The following SOX5 variants were observed in gnomAD, a reference collection of about 807,000 sequenced individuals.
SOX5 encodes the protein SRY-box transcription factor 5.
A neutral mutation model predicts 92.0 loss-of-function variants in SOX5; 9 were observed. The ratio of observed to expected loss-of-function variants is 0.10; its 90% confidence interval spans 0.06 to 0.17. The LOEUF is 0.17. Ranked by LOEUF, SOX5 falls within the 10% of genes least tolerant of loss-of-function variation. The probability of loss-of-function intolerance (pLI) is 1.00; values close to 1 mark genes in which losing one functional copy is unlikely to be tolerated. For synonymous variants in SOX5, 344 were observed against 336.3 expected, an observed-to-expected ratio of 1.02 and a Z score of -0.25; for missense variants, 642 against 944.5, an observed-to-expected ratio of 0.68 and a Z score of 4.20.
chr12:24,428,915 T>A (rs1056979970), intron 1 of SOX5, among the ~76,000 whole-genome samples: 1 of 152,074 alleles, frequency 6.6e-6, no homozygotes, highest in African/African-American at 2.4e-5. Flanking sequence ...ATATCACTTA[T>A]TAAGTATGTG....
intron 4 of SOX5, among the ~76,000 whole-genome samples, chr12:24,132,508 G>A (rs370195762): frequency 1.3e-5 from 2 of 152,088 alleles, no homozygotes; most frequent in East Asian, 1.9e-4. Flanking sequence ...CATGTAAAGT[G>A]GGAAAACAAT....
At chr12:24,532,225 A>T (rs1951260224) in intron 1 of SOX5, among the ~76,000 whole-genome samples, 1 of 152,052 alleles carries the variant, frequency 6.6e-6, no homozygotes, top group Non-Finnish European at 1.5e-5. Flanking sequence ...AAACCAAAAG[A>T]TCTAGGTTTG....
intron 7 of SOX5, among the ~76,000 whole-genome samples, chr12:23,649,780 G>A (rs988081103): frequency 2.0e-4 from 31 of 152,108 alleles, no homozygotes; most frequent in Admixed American, 1.4e-3. Flanking sequence ...ATTATCTCCA[G>A]TCATACTATG....
Position 24,422,469 on chromosome 12 carries a change from A to T in SOX5, c.-250-53830T>A, listed in dbSNP as rs147308919. On this transcript the variant is annotated intron_variant, in intron 1 of 4. Transcript: ENST00000446891. ...AGATCATGGAAGCAGGTATCGAAAA[A>T]GTCTAGAAAGCTGAGCCATCATATG... Among the ~76,000 whole-genome samples the T allele has an allele frequency of 4.5e-3, 687 of 152,278 alleles. 3 individuals are homozygous for T. Among genetic ancestry groups the T allele is most frequent in the African/African-American group, 0.015 (642 of 41,558 alleles).
rs962145215 is a variant in SOX5, at chr12:23,563,127, A to G, written c.1488+131T>C. On this transcript the variant is annotated intron_variant, in intron 11 of 14. Transcript: ENST00000451604. ...TTAGGATGGCGATGAGGCCTTCTAT[A>G]TTAATGGAGGGAGAAAAGGGACAGA... The G allele has an allele frequency of 8.2e-6, 6 of 732,950 alleles. No homozygotes were observed. The East Asian group carries it at 1.4e-4, about 17-fold the overall frequency. The allele number at this position is 732,950 out of a possible 1,614,324, so 45.4% of individuals were successfully genotyped here.
chr12:23,732,158 C>T (rs1164351798), intron 6 of SOX5, among the ~76,000 whole-genome samples: 1 of 152,028 alleles, frequency 6.6e-6, no homozygotes, highest in African/African-American at 2.4e-5. Flanking sequence ...AGTCTTCATC[C>T]TTGCCCTATG....
chr12:24,282,042 A>C (rs775001), intron 2 of SOX5, among the ~76,000 whole-genome samples: 65,454 of 152,036 alleles, frequency 0.43, 16,191 homozygotes, highest in East Asian at 0.75. Flanking sequence ...AGAGATTCAA[A>C]GAATTTTAAA....
chr12:23,928,996 A>T (rs1940750600), intron 1 of SOX5, among the ~76,000 whole-genome samples: 1 of 150,454 alleles, frequency 6.6e-6, no homozygotes, highest in Non-Finnish European at 1.5e-5. Context: ...GAAAATTATA[A>T]TAAATTAAGT....
intron 4 of SOX5, among the ~76,000 whole-genome samples, chr12:24,010,203 G>T (rs1238546573): frequency 6.6e-6 from 1 of 152,146 alleles, no homozygotes; most frequent in African/African-American, 2.4e-5. Context: ...TCAGAGTCAA[G>T]ATAAGCTTAT....
At chr12:24,537,678 T>C (rs1031225649) in intron 1 of SOX5, among the ~76,000 whole-genome samples, 6 of 152,238 alleles carry the variant, frequency 3.9e-5, no homozygotes, top group African/African-American at 1.2e-4. Context: ...AAATCTCTTA[T>C]GTTTCCATGT....
intron 3 of SOX5, among the ~76,000 whole-genome samples, chr12:23,829,773 C>T (rs1399511729): frequency 6.6e-6 from 1 of 151,712 alleles, no homozygotes; most frequent in East Asian, 1.9e-4. Context: ...TTTATTGAGT[C>T]AAATAGCCAA....
chr12:24,286,252 C>T (rs1356745331), intron 2 of SOX5, among the ~76,000 whole-genome samples: 1 of 152,224 alleles, frequency 6.6e-6, no homozygotes, highest in East Asian at 1.9e-4. Flanking sequence ...AAACTAACAC[C>T]AATGGTAAGA....
At chr12:24,131,487 C>T (rs1949642774) in intron 4 of SOX5, among the ~76,000 whole-genome samples, 1 of 152,128 alleles carries the variant, frequency 6.6e-6, no homozygotes, top group Non-Finnish European at 1.5e-5. Context: ...GTTCATTGAA[C>T]TTATTTATTT....
At chr12:23,605,807 T>C (rs1408258701) in intron 8 of SOX5, among the ~76,000 whole-genome samples, 2 of 151,950 alleles carry the variant, frequency 1.3e-5, no homozygotes, top group African/African-American at 4.8e-5. Flanking sequence ...ATAACCTAAA[T>C]AAAAATACAT....
At chr12:24,221,838 G>A (rs867309277) in intron 3 of SOX5, among the ~76,000 whole-genome samples, 1 of 152,202 alleles carries the variant, frequency 6.6e-6, no homozygotes, top group Non-Finnish European at 1.5e-5. Flanking sequence ...TGAGTAAGGA[G>A]GTGAGGGATG....
chr12:23,821,203 G>A (rs1265739876), intron 3 of SOX5, among the ~76,000 whole-genome samples: 2 of 152,182 alleles, frequency 1.3e-5, no homozygotes, highest in East Asian at 1.9e-4. Context: ...ATGGGAGTTT[G>A]CTCATGATTT....
At chr12:23,632,699 A>T (rs2078703378) in intron 8 of SOX5, among the ~76,000 whole-genome samples, 1 of 152,176 alleles carries the variant, frequency 6.6e-6, no homozygotes, top group Non-Finnish European at 1.5e-5. Context: ...TCCATCAGAC[A>T]GGAGCTTAAG....
At chr12:24,028,993 A>G (rs1473384505) in intron 4 of SOX5, among the ~76,000 whole-genome samples, 1 of 152,028 alleles carries the variant, frequency 6.6e-6, no homozygotes, top group African/African-American at 2.4e-5. Context: ...TTACATTTCA[A>G]AAATACATAA....
intron 2 of SOX5, among the ~76,000 whole-genome samples, chr12:24,340,649 T>C (rs1952471448): frequency 6.6e-6 from 1 of 152,218 alleles, no homozygotes; most frequent in African/African-American, 2.4e-5. Flanking sequence ...GAATTTTCTA[T>C]TAAATTCAAT....
Sources: allele counts gnomAD v4.1 joint callset (sites outside exome capture counted in the v4.1 genomes callset), GRCh38; gene constraint gnomAD v4.1.1; transcripts MANE v1.5; gene names NCBI Gene and HGNC (gene_info 2026-07-23, HGNC 2026-07-21).